Variants in VANGL1 observed in about 807,000 individuals in gnomAD.
VANGL1 encodes the protein vang-like protein 1.
VANGL1 carries 18 observed loss-of-function variants against 48.4 expected under a neutral mutation model. The ratio of observed to expected loss-of-function variants is 0.37; its 90% CI spans 0.26 to 0.55. VANGL1 has a LOEUF of 0.55. Ranked by LOEUF, VANGL1 falls within the 20% of genes least tolerant of loss-of-function variation. The pLI, the probability that VANGL1 is intolerant of heterozygous loss-of-function variation, is 0.81. For synonymous variants in VANGL1, 257 were observed against 261.8 expected, an observed-to-expected ratio of 0.98 and a Z score of 0.18; for missense variants, 667 against 675.8, an observed-to-expected ratio of 0.99 and a Z score of 0.14.
At chr1:115,671,208 C>T (rs1411375986) in intron 4 of VANGL1, 1 of 152,414 alleles carries the variant, frequency 6.6e-6, no homozygotes, top group African/African-American at 2.4e-5. Context: ...GGTCACACTC[C>T]CTGAATGCTG....
Position 115,693,587 on chromosome 1 carries a change from G to T in VANGL1, c.*2208G>T, listed in dbSNP as rs1396162184. 6.6e-6 allele frequency: 1 copy of T among 152,174 alleles called. No individual in the cohort carries two copies. Among genetic ancestry groups the T allele is most frequent in the East Asian group, 1.9e-4 (1 of 5,198 alleles). The allele number at this position is 152,174 out of a possible 1,614,324, so 9.4% of individuals were successfully genotyped here. On this transcript the variant is annotated 3_prime_UTR_variant, in exon 8 of 8. Transcript: ENST00000355485. ...TGCATAGGAGAATGTTAGACATTCA[G>T]AAATTACTGTTTCTGTTTTAAATTG...
At chr1:115,675,289 G>A (rs191902335) in intron 4 of VANGL1, among the ~76,000 whole-genome samples, 2 of 152,228 alleles carry the variant, frequency 1.3e-5, no homozygotes, top group Admixed American at 6.5e-5. Context: ...ATCCCTTAAG[G>A]CCAGAAGTTT....
At position 115,697,632 on chromosome 1, in the gene VANGL1, G is replaced by A. The variant is rs1654079165; in HGVS notation, c.*6253G>A. ...GAGAGAACCAGAGAGGCCTGGGCCA[G>A]GCAGGTCTTATTTGAGAGGAGATTA... On this transcript the variant is annotated 3_prime_UTR_variant, in exon 8 of 8. Coordinates refer to ENST00000355485, the MANE Select transcript of VANGL1 (RefSeq NM_138959.3). The A allele has an allele frequency of 6.6e-6, 1 of 152,248 alleles. No individual in the cohort carries two copies. Among genetic ancestry groups the A allele is most frequent in the Non-Finnish European group, 1.5e-5 (1 of 68,054 alleles). 9.4% of individuals were successfully genotyped at this position (152,248 alleles called of 1,614,324 possible).
chr1:115,659,626 ATTG>A lies in VANGL1; in HGVS notation c.72-9_72-7del. On this transcript the variant is annotated splice_polypyrimidine_tract_variant and intron_variant, in intron 2 of 7. Coordinates refer to ENST00000355485, the MANE Select transcript of VANGL1 (RefSeq NM_138959.3). ...TAACATGGCATAAATGTGCTAGCTC[ATTG>A]TTGTTTTTCAGGGAAAGAACTAGAG... 5 of 1,613,638 alleles carry A rather than the reference ATTG, an allele frequency of 3.1e-6. No homozygotes were observed. The highest frequency in any genetic ancestry group is 2.5e-6 in the Non-Finnish European group (3 of 1,179,846).
chr1:115,657,697 G>A (rs1323027080), intron 2 of VANGL1, among the ~76,000 whole-genome samples: 1 of 152,126 alleles, frequency 6.6e-6, no homozygotes. Flanking sequence ...CTTTGCAGTT[G>A]TATTAGTCTC....
At chr1:115,678,245 G>A (rs994988918) in intron 4 of VANGL1, among the ~76,000 whole-genome samples, 1 of 152,180 alleles carries the variant, frequency 6.6e-6, no homozygotes, top group Admixed American at 6.5e-5. Flanking sequence ...TGGAGGATTC[G>A]AAAAGCCTTC....
rs1402001384 is a variant in VANGL1, at chr1:115,642,060, C to G, written c.-164C>G. ...GCCGCTGTGAGCCGAGACCGCGGGC[C>G]GCGGAGCTCGGGCGGCCGGCGCGGA... On this transcript the variant is annotated 5_prime_UTR_variant, in exon 1 of 8. Transcript: ENST00000355485. 1 of 151,484 alleles carries G rather than the reference C, an allele frequency of 6.6e-6. No individual in the cohort carries two copies. The highest frequency in any genetic ancestry group is 1.5e-5 in the Non-Finnish European group (1 of 67,802). 9.4% of individuals were successfully genotyped at this position (151,484 alleles called of 1,614,324 possible).
rs1653986790 is a variant in VANGL1, at chr1:115,695,094, G to C, written c.*3715G>C. 1 of 152,162 alleles carries C rather than the reference G, an allele frequency of 6.6e-6. No homozygotes were observed. Among genetic ancestry groups the C allele is most frequent in the Admixed American group, 6.5e-5 (1 of 15,284 alleles). The allele number at this position is 152,162 out of a possible 1,614,324, so 9.4% of individuals were successfully genotyped here. On this transcript the variant is annotated 3_prime_UTR_variant, in exon 8 of 8. Coordinates refer to ENST00000355485, the MANE Select transcript of VANGL1 (RefSeq NM_138959.3). ...GGGGAGCCTGCTGTCCTGCAGGCAAGTCCATTAAACTCTTTCTTGCTTTAG... is the reference window on the plus strand; with the variant it reads ...GGGGAGCCTGCTGTCCTGCAGGCAACTCCATTAAACTCTTTCTTGCTTTAG...
At chr1:115,659,535 G>A (rs1570745855) in intron 2 of VANGL1, 106 bp from the exon 3 acceptor site, 10 of 1,238,706 alleles carry the variant, frequency 8.1e-6, no homozygotes, top group South Asian at 6.4e-5. Flanking sequence ...GTGTGTGTGT[G>A]TGTGTATGTA....
chr1:115,693,879 G>A lies in VANGL1; in HGVS notation c.*2500G>A, dbSNP rs1653938900. On this transcript the variant is annotated 3_prime_UTR_variant, in exon 8 of 8. Transcript: ENST00000355485. The stretch of plus-strand genomic sequence containing the variant: ...GGGGGTAAACTTCGCCCTAAGGCTG[G>A]TAGAATGTATGTTCACATTATAGTA... 1 of 152,182 alleles carries A rather than the reference G, an allele frequency of 6.6e-6. No individual in the cohort carries two copies. Among genetic ancestry groups the A allele is most frequent in the South Asian group, 2.1e-4 (1 of 4,828 alleles). 9.4% of individuals were successfully genotyped at this position (152,182 alleles called of 1,614,324 possible). A position where few individuals can be genotyped will look rare whatever the true frequency, so the allele number is the denominator to read the frequency against.
intron 4 of VANGL1, among the ~76,000 whole-genome samples, chr1:115,673,946 A>G (rs912703727): frequency 3.9e-5 from 6 of 152,188 alleles, no homozygotes; most frequent in South Asian, 4.2e-4. Context: ...CCTTAACTAA[A>G]CATAACATCT....
chr1:115,645,346 A>G (rs1300752790), intron 1 of VANGL1, among the ~76,000 whole-genome samples: 1 of 152,210 alleles, frequency 6.6e-6, no homozygotes, highest in Non-Finnish European at 1.5e-5. Flanking sequence ...GTTCTTCCTA[A>G]CTGAAGGAAT....
chr1:115,677,290 C>T (rs1240200437), intron 4 of VANGL1, among the ~76,000 whole-genome samples: 1 of 152,222 alleles, frequency 6.6e-6, no homozygotes, highest in Non-Finnish European at 1.5e-5. Flanking sequence ...GTTGCCATGG[C>T]AGTCATGTAA....
intron 4 of VANGL1, among the ~76,000 whole-genome samples, chr1:115,673,651 G>T (rs1653063563): frequency 6.8e-6 from 1 of 146,164 alleles, no homozygotes; most frequent in Non-Finnish European, 1.5e-5. Flanking sequence ...CCAGGCTGGA[G>T]TGCCTTAGTG....
chr1:115,672,162 G>T (rs947623808), intron 4 of VANGL1, among the ~76,000 whole-genome samples: 9 of 152,172 alleles, frequency 5.9e-5, no homozygotes, highest in African/African-American at 2.2e-4. Context: ...AGTGCTCTGG[G>T]TGTCCTGCAC....
At chr1:115,647,023 G>A (rs1312844812) in intron 1 of VANGL1, among the ~76,000 whole-genome samples, 4 of 152,216 alleles carry the variant, frequency 2.6e-5, no homozygotes, top group African/African-American at 7.2e-5. Context: ...GAAGGAGGAG[G>A]GAGCTAGAGC....
At position 115,693,149 on chromosome 1, in the gene VANGL1, C is replaced by T. The variant is rs980471573; in HGVS notation, c.*1770C>T. 2.6e-5 allele frequency: 4 copies of T among 152,614 alleles called. No individual in the cohort carries two copies. The highest frequency in any genetic ancestry group is 7.2e-5 in the African/African-American group (3 of 41,434). The allele number at this position is 152,614 out of a possible 1,614,324, so 9.5% of individuals were successfully genotyped here. A position where few individuals can be genotyped will look rare whatever the true frequency, so the allele number is the denominator to read the frequency against. ...TGGCGTGGAGCCAAGATGTACTATT[C>T]AACTATGTGTTTCTGTTTATAAAAA... On this transcript the variant is annotated 3_prime_UTR_variant, in exon 8 of 8. Coordinates refer to ENST00000355485, the MANE Select transcript of VANGL1 (RefSeq NM_138959.3).
intron 4 of VANGL1, among the ~76,000 whole-genome samples, chr1:115,669,292 C>G (rs1652893181): frequency 6.6e-6 from 1 of 152,122 alleles, no homozygotes; most frequent in Non-Finnish European, 1.5e-5. Context: ...TGCTGAAGCT[C>G]CCTTGTACCT....
At position 115,691,299 on chromosome 1, in the gene VANGL1, T is replaced by G. The variant is rs747035203; in HGVS notation, c.1495T>G (p.Phe499Val). The change falls in exon 8 of 8, where the codon TTC (phenylalanine) becomes GTC (valine). Residue 499 changes from phenylalanine (F) to valine (V), a missense_variant. Phe to Val is a conservative substitution (Grantham distance 50). Coordinates refer to ENST00000355485, the MANE Select transcript of VANGL1 (RefSeq NM_138959.3). ...SLVVNVKKIP[F>V]IILSEEFIDP... ...CGTAGTCAATGTGAAGAAAATTCCA[T>G]TCATCATACTCTCTGAAGAGTTCAT... 1.2e-6 allele frequency: 2 copies of G among 1,614,036 alleles called. No individual in the cohort carries two copies. The highest frequency in any genetic ancestry group is 3.3e-5 in the Admixed American group (2 of 60,000).
Sources: gnomAD v4.1 joint callset for allele counts (sites outside exome capture counted in the v4.1 genomes callset) on GRCh38, gnomAD v4.1.1 for gene constraint, MANE v1.5 for transcripts, NCBI Gene and HGNC (gene_info 2026-07-23, HGNC 2026-07-21) for gene names.